FRMD4A: variants seen among roughly 807,000 people sequenced by gnomAD.
The protein encoded by FRMD4A is FERM domain-containing protein 4A.
FRMD4A carries 29 observed loss-of-function variants against 129.1 expected under a neutral mutation model. That is an observed-to-expected ratio of 0.22 (90% CI 0.17 to 0.31). The LOEUF is 0.31. Ranked by LOEUF, FRMD4A falls within the 10% of genes least tolerant of loss-of-function variation. FRMD4A has a pLI of 1.00. For synonymous variants in FRMD4A, 634 were observed against 571.6 expected (o/e 1.11, Z -1.56); for missense variants, 1,272 against 1,375.8 (o/e 0.92, Z 1.19).
At chr10:13,707,871 C>T (rs2087629475) in intron 12 of FRMD4A, 5 of 985,378 alleles carry the variant, frequency 5.1e-6, no homozygotes, top group Non-Finnish European at 4.8e-6. Context: ...GTCATTCCTC[C>T]TTCGGACCAG....
At chr10:14,099,696 T>G (rs1422509142) in intron 2 of FRMD4A, among the ~76,000 whole-genome samples, 1 of 152,244 alleles carries the variant, frequency 6.6e-6, no homozygotes, top group Non-Finnish European at 1.5e-5. Context: ...CTTAATAAAT[T>G]TTCAAAAGAG....
intron 15 of FRMD4A, among the ~76,000 whole-genome samples, chr10:13,676,399 A>T (rs7089110): frequency 0.075 from 11,151 of 148,028 alleles, 951 homozygotes; most frequent in African/African-American, 0.2. Context: ...GGTAGCTGGG[A>T]TTACAGGCAC....
chr10:14,240,605 C>T (rs1472394362), intron 2 of FRMD4A, among the ~76,000 whole-genome samples: 1 of 152,106 alleles, frequency 6.6e-6, no homozygotes, highest in African/African-American at 2.4e-5. Context: ...AATCCACATG[C>T]CCATTATAAC....
intron 2 of FRMD4A, among the ~76,000 whole-genome samples, chr10:13,888,712 T>C (rs976909462): frequency 1.3e-5 from 2 of 152,160 alleles, no homozygotes; most frequent in Admixed American, 6.5e-5. Flanking sequence ...TGTTATCATA[T>C]CAGGTGCTAC....
Position 13,760,506 on chromosome 10 carries a change from G to A in FRMD4A, c.464+1141C>T, listed in dbSNP as rs1303339422. ...TGCACTCCAGCCTGGGTAACAGAAG[G>A]AGACCTTGTCTCTGAAAAAAATTAA... On this transcript the variant is annotated intron_variant, in intron 8 of 24. Coordinates refer to ENST00000357447, the MANE Select transcript of FRMD4A (RefSeq NM_018027.5). Among the ~76,000 whole-genome samples, 2 of 152,002 alleles carry A rather than the reference G, an allele frequency of 1.3e-5. 1 individual carries two copies. Among genetic ancestry groups the A allele is most frequent in the East Asian group, 3.9e-4 (2 of 5,184 alleles).
chr10:14,324,804 G>A (rs915607477), intron 2 of FRMD4A, among the ~76,000 whole-genome samples: 1 of 152,144 alleles, frequency 6.6e-6, no homozygotes, highest in Non-Finnish European at 1.5e-5. Flanking sequence ...GGGACTACAG[G>A]TGCACCCCAC....
chr10:14,288,912 A>T (rs1050646735), intron 2 of FRMD4A, among the ~76,000 whole-genome samples: 2 of 152,222 alleles, frequency 1.3e-5, no homozygotes, highest in Non-Finnish European at 2.9e-5. Context: ...CACTTAACAT[A>T]ATGTCCTCCA....
Position 13,889,874 on chromosome 10 carries a change from C to T in FRMD4A, c.46-30962G>A, listed in dbSNP as rs1041753530. ...TGTATTCACTGGCTGGACAATATAG[C>T]GTTGATTTCAAAGCATGTCCAAATA... On this transcript the variant is annotated intron_variant, in intron 2 of 24. Coordinates refer to ENST00000357447, the MANE Select transcript of FRMD4A (RefSeq NM_018027.5). Among the ~76,000 whole-genome samples the T allele has an allele frequency of 2.6e-5, 4 of 152,206 alleles. No individual in the cohort carries two copies. The South Asian group carries it at 6.2e-4, about 24-fold the overall frequency.
chr10:14,194,291 T>C (rs1400767838), intron 2 of FRMD4A, among the ~76,000 whole-genome samples: 1 of 152,158 alleles, frequency 6.6e-6, no homozygotes. Context: ...AGCACTATGC[T>C]GGCATTGTGG....
chr10:13,938,290 G>A, intron 2 of FRMD4A, among the ~76,000 whole-genome samples: 1 of 152,106 alleles, frequency 6.6e-6, no homozygotes, highest in African/African-American at 2.4e-5. Context: ...TGCCCAGGCT[G>A]GAGTGCAGTG....
chr10:13,703,159 G>C (rs11258540), intron 13 of FRMD4A, among the ~76,000 whole-genome samples: 143,598 of 152,174 alleles, frequency 0.94, 68,131 homozygotes, highest in Non-Finnish European at 1. Context: ...GGTGGTGCAA[G>C]GCTAGGTACC....
intron 2 of FRMD4A, among the ~76,000 whole-genome samples, chr10:14,290,930 G>C (rs914890952): frequency 6.6e-6 from 1 of 152,098 alleles, no homozygotes; most frequent in Non-Finnish European, 1.5e-5. Flanking sequence ...ATTATTACTA[G>C]TGAAATTGAT....
At chr10:13,653,730 C>G (rs953989945) in intron 23 of FRMD4A, 12 of 150,108 alleles carry the variant, frequency 8.0e-5, no homozygotes, top group African/African-American at 3.1e-4. Flanking sequence ...TCAGGGGCAA[C>G]AGAAGAGGCA....
At chr10:13,798,670 T>C (rs2093179985) in intron 4 of FRMD4A, among the ~76,000 whole-genome samples, 1 of 152,162 alleles carries the variant, frequency 6.6e-6, no homozygotes, top group Non-Finnish European at 1.5e-5. Context: ...TGAGCCGAGA[T>C]GGCGCCACCG....
Position 13,657,389 on chromosome 10 carries a change from G to T in FRMD4A, c.2200C>A (p.Arg734=). The change falls in exon 22 of 25, where the codon CGG becomes AGG. Residue 734 remains arginine, a synonymous_variant. Coordinates refer to ENST00000357447, the MANE Select transcript of FRMD4A (RefSeq NM_018027.5). The part of the protein sequence containing the change: ...DTGSPDFYTP[R]TRSSNGSDPM... ...TCTGAGCCGTTGCTGCTACGAGTCC[G>T]CGGGGTGTAGAAGTCGGGGCTCCCG... The T allele has an allele frequency of 6.2e-7, 1 of 1,612,750 alleles. No individual in the cohort carries two copies. The highest frequency in any genetic ancestry group is 8.5e-7 in the Non-Finnish European group (1 of 1,179,876).
intron 4 of FRMD4A, among the ~76,000 whole-genome samples, chr10:13,799,074 C>T (rs907608979): frequency 1.1e-4 from 16 of 152,248 alleles, no homozygotes; most frequent in Non-Finnish European, 2.1e-4. Context: ...TTACAGCACC[C>T]ACCCTAGGGG....
chr10:14,264,063 G>A (rs1184353972), intron 2 of FRMD4A, among the ~76,000 whole-genome samples: 4 of 152,164 alleles, frequency 2.6e-5, no homozygotes, highest in South Asian at 4.1e-4. Context: ...GAAAACTAAT[G>A]ACTGCAATCA....
At chr10:13,915,921 A>T (rs1473046995) in intron 2 of FRMD4A, among the ~76,000 whole-genome samples, 6 of 152,192 alleles carry the variant, frequency 3.9e-5, no homozygotes, top group Admixed American at 3.3e-4. Context: ...GGCACGGCGA[A>T]CAAAGAGCTC....
intron 2 of FRMD4A, among the ~76,000 whole-genome samples, chr10:14,100,509 C>T (rs946051071): frequency 5.3e-5 from 8 of 152,068 alleles, no homozygotes; most frequent in Admixed American, 1.3e-4. Flanking sequence ...TATTTCCCCC[C>T]GACCCCTTAA....
Sources: allele counts gnomAD v4.1 joint callset (sites outside exome capture counted in the v4.1 genomes callset), GRCh38; gene constraint gnomAD v4.1.1; transcripts MANE v1.5; gene names NCBI Gene and HGNC (gene_info 2026-07-23, HGNC 2026-07-21).